Variants in TBC1D19 observed in about 807,000 individuals in gnomAD.
TBC1D19 encodes TBC1 domain family member 19.
In TBC1D19, 60 loss-of-function variants were observed where a neutral mutation model predicts 89.0. The observed-to-expected ratio is 0.67, with a 90% CI of 0.55 to 0.84. The LOEUF is 0.84. Ranked by LOEUF, TBC1D19 falls within the 40% of genes least tolerant of loss-of-function variation. The probability of loss-of-function intolerance (pLI) is 0.00; values close to 1 mark genes in which losing one functional copy is unlikely to be tolerated. For missense variants in TBC1D19, 500 were observed against 610.8 expected (o/e 0.82, Z 1.91); for synonymous variants, 189 against 199.7 (o/e 0.95, Z 0.45).
At position 26,637,258 on chromosome 4, in the gene TBC1D19, T is replaced by C; in HGVS notation, c.342T>C (p.Thr114=). The change falls in exon 5 of 21, where the codon ACT becomes ACC. Residue 114 remains threonine (T), a synonymous_variant. Coordinates refer to ENST00000264866, the MANE Select transcript of TBC1D19 (RefSeq NM_018317.4). ...TGAAGAGTTTAAATAGTATGTGCAC[T>C]GAACTGAGTATCCCACTGGCACGAA... ...RILKSLNSMC[T]ELSIPLARKR... 6.2e-7 allele frequency: 1 copy of C among 1,611,122 alleles called. No individual in the cohort carries two copies. Among genetic ancestry groups the C allele is most frequent in the South Asian group, 1.1e-5 (1 of 90,522 alleles).
At chr4:26,643,410 G>A (rs889239574) in intron 7 of TBC1D19, among the ~76,000 whole-genome samples, 1 of 152,166 alleles carries the variant, frequency 6.6e-6, no homozygotes, top group Non-Finnish European at 1.5e-5. Flanking sequence ...CAGAATCTCT[G>A]GGACACATTT....
At chr4:26,796,087 C>T in the TBC1D19 span, among the ~76,000 whole-genome samples, 1 of 152,202 alleles carries the variant, frequency 6.6e-6, no homozygotes, top group Non-Finnish European at 1.5e-5. Flanking sequence ...CTTTATTATA[C>T]AGCAGCCTCA....
the TBC1D19 span, among the ~76,000 whole-genome samples, chr4:26,844,539 A>G: frequency 6.6e-6 from 1 of 152,208 alleles, no homozygotes; most frequent in Non-Finnish European, 1.5e-5. Context: ...AACAAAATAT[A>G]TTGCACAAAC....
At chr4:26,844,249 G>A in the TBC1D19 span, among the ~76,000 whole-genome samples, 2 of 152,168 alleles carry the variant, frequency 1.3e-5, no homozygotes, top group African/African-American at 4.8e-5. Flanking sequence ...GGGACGAGTT[G>A]AGAAAACTGC....
rs1442277277 is a variant in TBC1D19 at position 26,673,904 on chromosome 4, G to T, written c.816+16G>T. On this transcript the variant is annotated intron_variant, in intron 11 of 20. Coordinates refer to ENST00000264866, the MANE Select transcript of TBC1D19 (RefSeq NM_018317.4). Reference sequence around the variant, plus strand: ...CCAACCTGAGGTAAGAAGAAAAAAAGGGTGGGTCAGATTTTAGCTTTGGGG... The same window carrying T: ...CCAACCTGAGGTAAGAAGAAAAAAATGGTGGGTCAGATTTTAGCTTTGGGG... The T allele has an allele frequency of 1.4e-6, 2 of 1,476,828 alleles. No homozygotes were observed. Among genetic ancestry groups the T allele is most frequent in the African/African-American group, 2.8e-5 (2 of 71,082 alleles). The allele number at this position is 1,476,828 out of a possible 1,614,324, so 91.5% of individuals were successfully genotyped here.
At chr4:26,736,349 T>A (rs62299024) in intron 16 of TBC1D19, among the ~76,000 whole-genome samples, 6,151 of 142,190 alleles carry the variant, frequency 0.043, 202 homozygotes, top group Non-Finnish European at 0.061. Flanking sequence ...AACAATGAGA[T>A]CACATGGACA....
chr4:26,696,888 T>G (rs1007284813), intron 13 of TBC1D19, among the ~76,000 whole-genome samples: 4 of 152,180 alleles, frequency 2.6e-5, no homozygotes, highest in African/African-American at 9.7e-5. Flanking sequence ...TAGCACTAAA[T>G]GCCCACAAGA....
At chr4:26,729,286 T>G (rs1049427821) in intron 15 of TBC1D19, among the ~76,000 whole-genome samples, 2 of 152,250 alleles carry the variant, frequency 1.3e-5, no homozygotes, top group East Asian at 3.9e-4. Context: ...AGACCAATAC[T>G]TCTCTTGCTG....
Position 26,753,771 on chromosome 4 carries a change from C to G in TBC1D19, c.1436-49C>G, listed in dbSNP as rs377080062. The G allele has an allele frequency of 2.5e-6, 4 of 1,606,246 alleles. No homozygotes were observed. The South Asian group carries it at 4.4e-5, about 18-fold the overall frequency. ...GGGCATAGCATAGCAGTAACCGTGCCGGGCTGATGAGTAGGCCAGCAGTTG... is the reference window on the plus strand; with the variant it reads ...GGGCATAGCATAGCAGTAACCGTGCGGGGCTGATGAGTAGGCCAGCAGTTG... On this transcript the variant is annotated intron_variant, in intron 19 of 20. Coordinates refer to ENST00000264866, the MANE Select transcript of TBC1D19 (RefSeq NM_018317.4).
chr4:26,646,720 T>G (rs889675179), intron 7 of TBC1D19, among the ~76,000 whole-genome samples: 17 of 152,128 alleles, frequency 1.1e-4, no homozygotes, highest in African/African-American at 3.4e-4. Flanking sequence ...ACACTGCATG[T>G]TCTCACTCAT....
the TBC1D19 span, among the ~76,000 whole-genome samples, chr4:26,789,990 C>T: frequency 6.6e-6 from 1 of 152,088 alleles, no homozygotes; most frequent in East Asian, 1.9e-4. Context: ...GAATAATGTA[C>T]AGACATACAG....
chr4:26,604,098 A>G (rs1387410797), intron 1 of TBC1D19, among the ~76,000 whole-genome samples: 1 of 149,650 alleles, frequency 6.7e-6, no homozygotes, highest in African/African-American at 2.5e-5. Context: ...ACTTAGCCTG[A>G]TATCATGAAC....
chr4:26,717,947 T>C lies in TBC1D19; in HGVS notation c.969T>C (p.Phe323=), dbSNP rs34600164. Residue 323 remains phenylalanine (F), a synonymous_variant, in exon 14 of 21, where the codon TTT becomes TTC. Transcript: ENST00000264866. ...GTTATATTCAGGTATTACTTTGTTTTTCCCGGGATACATCTGTGTTGAGTC... is the reference window on the plus strand; with the variant it reads ...GTTATATTCAGGTATTACTTTGTTTCTCCCGGGATACATCTGTGTTGAGTC... ...EDYLYQVLLC[F]SRDTSVLSHF... 0.069 allele frequency: 110,539 copies of C among 1,610,668 alleles called. 4,341 individuals are homozygous for C. Among genetic ancestry groups the C allele is most frequent in the South Asian group, 0.11 (10,342 of 90,784 alleles).
At chr4:26,819,951 G>A in the TBC1D19 span, among the ~76,000 whole-genome samples, 3 of 151,978 alleles carry the variant, frequency 2.0e-5, no homozygotes, top group East Asian at 1.9e-4. Context: ...CACCAATTTC[G>A]GTCCTTTTCT....
At chr4:26,766,846 A>G in the TBC1D19 span, among the ~76,000 whole-genome samples, 1 of 152,216 alleles carries the variant, frequency 6.6e-6, no homozygotes, top group Non-Finnish European at 1.5e-5. Flanking sequence ...AAATGAGATA[A>G]TGCATATAGA....
rs187405602 is a variant in TBC1D19, at chr4:26,663,675, A to T, written c.592-2658A>T. Among the ~76,000 whole-genome samples, 4 of 152,338 alleles carry T rather than the reference A, an allele frequency of 2.6e-5. No homozygotes were observed. The South Asian group carries it at 8.3e-4, about 32-fold the overall frequency. Reference sequence around the variant, plus strand: ...AAATTGTAGCTATATGATTAAGAGTATAGTTAGTCCTTTTATTCCTCAGTC... The same window carrying T: ...AAATTGTAGCTATATGATTAAGAGTTTAGTTAGTCCTTTTATTCCTCAGTC... On this transcript the variant is annotated intron_variant, in intron 8 of 20. Transcript: ENST00000264866.
At chr4:26,782,347 C>A in the TBC1D19 span, among the ~76,000 whole-genome samples, 1 of 152,100 alleles carries the variant, frequency 6.6e-6, no homozygotes. Context: ...GGGTTTTTAT[C>A]GCAGTTAGAG....
chr4:26,654,677 A>T (rs2109057396), intron 7 of TBC1D19, among the ~76,000 whole-genome samples: 1 of 152,314 alleles, frequency 6.6e-6, no homozygotes, highest in Admixed American at 6.5e-5. Context: ...TCAGCTACTG[A>T]GGCTTGTGCA....
the TBC1D19 span, among the ~76,000 whole-genome samples, chr4:26,797,329 T>G: frequency 6.6e-6 from 1 of 151,922 alleles, no homozygotes; most frequent in East Asian, 1.9e-4. Flanking sequence ...AGGAATACAT[T>G]TAACCAAAGA....
Sources: gnomAD v4.1 joint callset for allele counts (sites outside exome capture counted in the v4.1 genomes callset) on GRCh38, gnomAD v4.1.1 for gene constraint, MANE v1.5 for transcripts, NCBI Gene and HGNC (gene_info 2026-07-23, HGNC 2026-07-21) for gene names.